The following PTPRR variants were observed in gnomAD, a reference collection of about 807,000 sequenced individuals.
PTPRR encodes the protein protein tyrosine phosphatase receptor type R, also known as receptor-type tyrosine-protein phosphatase R.
PTPRR carries 38 observed loss-of-function variants against 77.2 expected under a neutral mutation model. The observed-to-expected ratio is 0.49, with a 90% CI of 0.38 to 0.65. PTPRR has a LOEUF of 0.65. Ranked by LOEUF, PTPRR falls within the 30% of genes least tolerant of loss-of-function variation. The pLI, the probability that PTPRR is intolerant of heterozygous loss-of-function variation, is 0.00. For synonymous variants in PTPRR, 299 were observed against 283.1 expected, an observed-to-expected ratio of 1.06 and a Z score of -0.57; for missense variants, 744 against 799.2, an observed-to-expected ratio of 0.93 and a Z score of 0.83.
chr12:70,706,203 T>C (rs1025453976), intron 6 of PTPRR, among the ~76,000 whole-genome samples: 1 of 152,150 alleles, frequency 6.6e-6, no homozygotes, highest in South Asian at 2.1e-4. Flanking sequence ...AATAATGTTA[T>C]GCTGTTTCCA....
At chr12:70,783,863 C>CGGG (rs575602200) in intron 2 of PTPRR, among the ~76,000 whole-genome samples, 6 of 56,644 alleles carry the variant, frequency 1.1e-4, no homozygotes, top group East Asian at 4.9e-4. Flanking sequence ...GTGGGGGGGA[C>CGGG]GGGGGGGGGG....
At chr12:70,679,737 A>G (rs1887587294) in intron 10 of PTPRR, among the ~76,000 whole-genome samples, 1 of 151,982 alleles carries the variant, frequency 6.6e-6, no homozygotes. Flanking sequence ...TTTGCAAGTG[A>G]TATCAATTTT....
chr12:70,798,447 C>T (rs1891554228), intron 2 of PTPRR, among the ~76,000 whole-genome samples: 1 of 152,164 alleles, frequency 6.6e-6, no homozygotes, highest in African/African-American at 2.4e-5. Context: ...CTATTCAGTG[C>T]AGAAACTCTT....
intron 7 of PTPRR, among the ~76,000 whole-genome samples, chr12:70,700,850 A>G (rs1888395458): frequency 6.6e-6 from 1 of 152,198 alleles, no homozygotes. Flanking sequence ...TTCCCCAGAC[A>G]GTGACAGCAA....
chr12:70,741,642 G>A (rs376114517), intron 6 of PTPRR, among the ~76,000 whole-genome samples: 6 of 152,266 alleles, frequency 3.9e-5, no homozygotes, highest in East Asian at 1.9e-4. Flanking sequence ...GGAAGGTGGC[G>A]TCTCGGGGTG....
chr12:70,858,511 C>A (rs897337971), intron 2 of PTPRR, among the ~76,000 whole-genome samples: 2 of 152,020 alleles, frequency 1.3e-5, no homozygotes, highest in Non-Finnish European at 2.9e-5. Flanking sequence ...CTGATCCACC[C>A]AAGATCATGC....
At chr12:70,907,615 A>G (rs1024656351) in intron 1 of PTPRR, among the ~76,000 whole-genome samples, 18 of 152,198 alleles carry the variant, frequency 1.2e-4, no homozygotes, top group African/African-American at 4.3e-4. Context: ...ATAAATATCT[A>G]TTACAGAGTG....
At position 70,889,017 on chromosome 12, in the gene PTPRR, C is replaced by T. The variant is rs147574709; in HGVS notation, c.357+3662G>A. Among the ~76,000 whole-genome samples the T allele has an allele frequency of 1.8e-3, 267 of 152,210 alleles. 1 individual carries two copies. Among genetic ancestry groups the T allele is most frequent in the African/African-American group, 6.2e-3 (259 of 41,510 alleles). ...CCTATGTCAGGAGAAATGTTAAATGCTGATTGAACCATATCTAGAGCTAAA... is the reference window on the plus strand; with the variant it reads ...CCTATGTCAGGAGAAATGTTAAATGTTGATTGAACCATATCTAGAGCTAAA... On this transcript the variant is annotated intron_variant, in intron 2 of 13. Transcript: ENST00000283228.
At chr12:70,870,710 C>T (rs1220242028) in intron 2 of PTPRR, among the ~76,000 whole-genome samples, 10 of 152,202 alleles carry the variant, frequency 6.6e-5, no homozygotes, top group Admixed American at 5.9e-4. Flanking sequence ...AATATGTACA[C>T]TGTGTTGCTG....
intron 2 of PTPRR, among the ~76,000 whole-genome samples, chr12:70,796,658 C>T (rs571316906): frequency 4.5e-4 from 68 of 151,906 alleles, no homozygotes; most frequent in African/African-American, 1.6e-3. Context: ...ATAAAGTAAA[C>T]CATGAAAAGG....
chr12:70,833,894 C>G (rs561701632), intron 2 of PTPRR, among the ~76,000 whole-genome samples: 1 of 152,172 alleles, frequency 6.6e-6, no homozygotes, highest in Non-Finnish European at 1.5e-5. Flanking sequence ...CAGCCCCAGC[C>G]AGGCATTTTA....
intron 2 of PTPRR, among the ~76,000 whole-genome samples, chr12:70,805,127 A>G (rs1187725222): frequency 6.6e-6 from 1 of 152,076 alleles, no homozygotes; most frequent in Non-Finnish European, 1.5e-5. Context: ...CATTTTCTAA[A>G]CCAAAAGTAT....
chr12:70,756,423 G>A (rs1890564939), intron 4 of PTPRR, among the ~76,000 whole-genome samples: 1 of 152,042 alleles, frequency 6.6e-6, no homozygotes, highest in Non-Finnish European at 1.5e-5. Flanking sequence ...GTAATAAATG[G>A]ACAAGTTTGT....
At chr12:70,646,341 C>A (rs1886198036) in intron 13 of PTPRR, among the ~76,000 whole-genome samples, 1 of 152,074 alleles carries the variant, frequency 6.6e-6, no homozygotes, top group Admixed American at 6.6e-5. Context: ...CAATTCTGAC[C>A]AGGTATTTTG....
At chr12:70,658,227 GC>G (rs2136667036) in intron 12 of PTPRR, among the ~76,000 whole-genome samples, 1 of 152,262 alleles carries the variant, frequency 6.6e-6, no homozygotes, top group South Asian at 2.1e-4. Flanking sequence ...GGTCAGAAAT[GC>G]CCTCCCTCCT....
intron 13 of PTPRR, among the ~76,000 whole-genome samples, chr12:70,654,299 C>A (rs1163179147): frequency 6.6e-6 from 1 of 152,106 alleles, no homozygotes; most frequent in Non-Finnish European, 1.5e-5. Flanking sequence ...ATTATATGGC[C>A]TGGCACGGTG....
intron 2 of PTPRR, among the ~76,000 whole-genome samples, chr12:70,789,898 TAAGA>T (rs997233636): frequency 6.6e-6 from 1 of 152,142 alleles, no homozygotes; most frequent in African/African-American, 2.4e-5. Flanking sequence ...AAATTTATCT[TAAGA>T]AAATGATCTC....
intron 10 of PTPRR, among the ~76,000 whole-genome samples, chr12:70,666,933 C>G (rs1327441454): frequency 1.2e-4 from 3 of 25,782 alleles, no homozygotes; most frequent in Admixed American, 7.6e-4. Flanking sequence ...GTGTGTTTTT[C>G]TGTTTTTTTT....
intron 2 of PTPRR, among the ~76,000 whole-genome samples, chr12:70,771,277 C>A (rs1342131547): frequency 1.3e-5 from 2 of 152,000 alleles, no homozygotes; most frequent in Non-Finnish European, 2.9e-5. Flanking sequence ...ACCATTATCC[C>A]AAGCAAAGTA....
Sources: gnomAD v4.1 joint callset for allele counts (sites outside exome capture counted in the v4.1 genomes callset) on GRCh38, gnomAD v4.1.1 for gene constraint, MANE v1.5 for transcripts, NCBI Gene and HGNC (gene_info 2026-07-23, HGNC 2026-07-21) for gene names.